IMMP2L: variants seen among roughly 807,000 people sequenced by gnomAD.
The protein encoded by IMMP2L is mitochondrial inner membrane protease subunit 2.
IMMP2L carries 18 observed loss-of-function variants against 19.3 expected under a neutral mutation model. The observed-to-expected ratio is 0.93, with a 90% CI of 0.64 to 1.38. The LOEUF is 1.38. Ranked by LOEUF, IMMP2L falls within the 40% of genes most tolerant of loss-of-function variation. The probability of loss-of-function intolerance (pLI) is 0.00; values close to 1 mark genes in which losing one functional copy is unlikely to be tolerated. For synonymous variants in IMMP2L, 76 were observed against 73.0 expected, an observed-to-expected ratio of 1.04 and a Z score of -0.21; for missense variants, 233 against 218.2, an observed-to-expected ratio of 1.07 and a Z score of -0.43.
At chr7:111,197,819 C>T (rs1472758724) in intron 3 of IMMP2L, among the ~76,000 whole-genome samples, 2 of 152,160 alleles carry the variant, frequency 1.3e-5, no homozygotes, top group Non-Finnish European at 2.9e-5. Context: ...AATAATTTTG[C>T]TCCTTTGAAA....
At chr7:110,858,176 G>C (rs1807005070) in intron 5 of IMMP2L, among the ~76,000 whole-genome samples, 1 of 151,852 alleles carries the variant, frequency 6.6e-6, no homozygotes, top group South Asian at 2.1e-4. Flanking sequence ...GAAAGAAGCA[G>C]AGTATGAAAA....
intron 3 of IMMP2L, among the ~76,000 whole-genome samples, chr7:111,133,513 C>T (rs1279069256): frequency 6.6e-6 from 1 of 151,806 alleles, no homozygotes; most frequent in Non-Finnish European, 1.5e-5. Context: ...TTCTGAAGGA[C>T]AAAGCAGGAG....
chr7:110,751,822 A>C, intron 5 of IMMP2L, among the ~76,000 whole-genome samples: 1 of 152,176 alleles, frequency 6.6e-6, no homozygotes. Flanking sequence ...ATTTAAAAAA[A>C]CCTAATAATA....
intron 5 of IMMP2L, among the ~76,000 whole-genome samples, chr7:110,733,164 A>G (rs1014918659): frequency 6.6e-6 from 1 of 152,226 alleles, no homozygotes; most frequent in African/African-American, 2.4e-5. Context: ...TAAACAAGAT[A>G]CAAGTCATAG....
At chr7:110,798,995 C>A (rs1012366583) in intron 5 of IMMP2L, among the ~76,000 whole-genome samples, 1 of 151,808 alleles carries the variant, frequency 6.6e-6, no homozygotes, top group African/African-American at 2.4e-5. Context: ...AATGGTAATA[C>A]GCTGTAACTC....
rs187391766 is a variant in IMMP2L at position 111,515,594 on chromosome 7, C to T, written c.135+5719G>A. 1.0e-3 allele frequency among the ~76,000 whole-genome samples: 156 copies of T among 152,244 alleles called. 2 individuals are homozygous for T. Among genetic ancestry groups the T allele is most frequent in the African/African-American group, 3.6e-3 (148 of 41,544 alleles). On this transcript the variant is annotated intron_variant, in intron 2 of 5. Transcript: ENST00000405709. ...TTGTGGTCTCTGAGAATTTCCCTTG[C>T]TTCCCTGCAAGTTAGTTACACATTT...
intron 5 of IMMP2L, among the ~76,000 whole-genome samples, chr7:110,778,213 T>C (rs954273847): frequency 1.3e-5 from 2 of 151,986 alleles, no homozygotes; most frequent in African/African-American, 4.8e-5. Context: ...TATTTAATAC[T>C]TCTATCTAAT....
intron 5 of IMMP2L, among the ~76,000 whole-genome samples, chr7:110,670,191 A>G (rs1330936455): frequency 6.6e-6 from 1 of 152,222 alleles, no homozygotes; most frequent in Non-Finnish European, 1.5e-5. Context: ...ATGTGCACAC[A>G]GAGAAGTTCA....
At chr7:111,192,947 A>G (rs1809055525) in intron 3 of IMMP2L, among the ~76,000 whole-genome samples, 1 of 152,114 alleles carries the variant, frequency 6.6e-6, no homozygotes, top group Non-Finnish European at 1.5e-5. Context: ...CAAGCCCCTG[A>G]GGAGAGTTTG....
At chr7:111,051,065 A>C (rs1792957099) in intron 3 of IMMP2L, among the ~76,000 whole-genome samples, 1 of 152,152 alleles carries the variant, frequency 6.6e-6, no homozygotes, top group South Asian at 2.1e-4. Context: ...TTGAGCCTAG[A>C]AGGTCAAGGC....
chr7:111,338,067 CAAAG>C (rs1409904996), intron 3 of IMMP2L, among the ~76,000 whole-genome samples: 1 of 152,084 alleles, frequency 6.6e-6, no homozygotes, highest in South Asian at 2.1e-4. Context: ...CAGAGTGAGA[CAAAG>C]GAAGAAGGCA....
At chr7:111,215,037 C>T (rs1372544977) in intron 3 of IMMP2L, among the ~76,000 whole-genome samples, 1 of 152,140 alleles carries the variant, frequency 6.6e-6, no homozygotes, top group Non-Finnish European at 1.5e-5. Context: ...CACATATCAC[C>T]GCAATCTACA....
chr7:111,146,899 A>G, intron 3 of IMMP2L, among the ~76,000 whole-genome samples: 1 of 151,978 alleles, frequency 6.6e-6, no homozygotes, highest in East Asian at 1.9e-4. Context: ...ATCTCCTAAC[A>G]TTTCTTTCAT....
At chr7:111,531,250 C>T (rs146100155) in intron 1 of IMMP2L, among the ~76,000 whole-genome samples, 1,685 of 152,008 alleles carry the variant, frequency 0.011, 27 homozygotes, top group Middle Eastern at 0.061. Flanking sequence ...CCACTGCGTC[C>T]GGCCTGAATA....
chr7:111,354,558 G>GA (rs994701323), intron 3 of IMMP2L, among the ~76,000 whole-genome samples: 1 of 147,554 alleles, frequency 6.8e-6, no homozygotes, highest in South Asian at 2.1e-4. Context: ...AGTCAACAAA[G>GA]AAAAAAAATT....
intron 3 of IMMP2L, among the ~76,000 whole-genome samples, chr7:111,083,701 G>A (rs746209517): frequency 3.1e-4 from 47 of 152,154 alleles, no homozygotes; most frequent in Admixed American, 9.8e-4. Context: ...TCACGGTACT[G>A]TAAGAATGAA....
chr7:111,145,945 T>C (rs944631040), intron 3 of IMMP2L, among the ~76,000 whole-genome samples: 9 of 152,082 alleles, frequency 5.9e-5, no homozygotes, highest in Non-Finnish European at 1.3e-4. Context: ...TCAACGCCCA[T>C]TCAGAGTAAT....
At chr7:111,319,734 A>G (rs1206412506) in intron 3 of IMMP2L, among the ~76,000 whole-genome samples, 1 of 152,052 alleles carries the variant, frequency 6.6e-6, no homozygotes, top group African/African-American at 2.4e-5. Flanking sequence ...GAATGTTAGC[A>G]TAACATATAG....
intron 5 of IMMP2L, among the ~76,000 whole-genome samples, chr7:110,763,857 G>A (rs1287519052): frequency 6.6e-6 from 1 of 152,086 alleles, no homozygotes; most frequent in African/African-American, 2.4e-5. Flanking sequence ...CTTCTAAAGT[G>A]CTTAAGGGTG....
Sources: allele counts gnomAD v4.1 joint callset (sites outside exome capture counted in the v4.1 genomes callset), GRCh38; gene constraint gnomAD v4.1.1; transcripts MANE v1.5; gene names NCBI Gene and HGNC (gene_info 2026-07-23, HGNC 2026-07-21).